The following LRRC4C variants were observed in gnomAD, a reference collection of about 807,000 sequenced individuals.
LRRC4C encodes leucine-rich repeat-containing protein 4C.
LRRC4C carries 5 observed loss-of-function variants against 33.6 expected under a neutral mutation model. That is an observed-to-expected ratio of 0.15 (90% CI 0.08 to 0.31). The LOEUF is 0.31. LRRC4C is among the 10% of genes least tolerant of loss of function. The pLI, the probability that LRRC4C is intolerant of heterozygous loss-of-function variation, is 1.00. For synonymous variants in LRRC4C, 329 were observed against 302.0 expected (o/e 1.09, Z -0.93); for missense variants, 560 against 796.7 (o/e 0.70, Z 3.58).
rs377013430 is a variant in LRRC4C, at chr11:40,939,110, C to T, written c.-495-5387G>A. On this transcript the variant is annotated intron_variant, in intron 1 of 6. Coordinates refer to ENST00000528697, the MANE Select transcript of LRRC4C (RefSeq NM_001258419.2). ...CATATGTCCATGTACAAAAACTAGACGGAAGAACATGGACTAATTGTCTCA... is the reference window on the plus strand; with the variant it reads ...CATATGTCCATGTACAAAAACTAGATGGAAGAACATGGACTAATTGTCTCA... 1.8e-3 allele frequency among the ~76,000 whole-genome samples: 270 copies of T among 152,188 alleles called. 2 individuals are homozygous for T. Among genetic ancestry groups the T allele is most frequent in the African/African-American group, 5.9e-3 (243 of 41,538 alleles).
At chr11:40,742,992 T>C (rs1211890599) in intron 2 of LRRC4C, among the ~76,000 whole-genome samples, 1 of 152,098 alleles carries the variant, frequency 6.6e-6, no homozygotes, top group African/African-American at 2.4e-5. Flanking sequence ...CTTTCTGTGC[T>C]GCTCATCTGA....
chr11:41,317,981 A>T (rs752645848), intron 1 of LRRC4C, among the ~76,000 whole-genome samples: 13 of 152,180 alleles, frequency 8.5e-5, no homozygotes, highest in Non-Finnish European at 5.9e-5. Flanking sequence ...GTATATGCCT[A>T]ATAATAAGGA....
intron 2 of LRRC4C, among the ~76,000 whole-genome samples, chr11:40,820,234 T>C (rs1196387107): frequency 6.6e-6 from 1 of 152,052 alleles, no homozygotes. Context: ...AGAAGTATTA[T>C]AAATATTGTC....
intron 1 of LRRC4C, among the ~76,000 whole-genome samples, chr11:41,146,038 C>T (rs142630579): frequency 8.8e-4 from 134 of 152,274 alleles, no homozygotes; most frequent in African/African-American, 3.2e-3. Context: ...ACCAACATTA[C>T]AGAATTATAA....
chr11:40,875,053 A>G (rs1283837425), intron 2 of LRRC4C, among the ~76,000 whole-genome samples: 1 of 152,346 alleles, frequency 6.6e-6, no homozygotes, highest in East Asian at 1.9e-4. Flanking sequence ...TATACTTGTT[A>G]GTATAAAATG....
chr11:40,201,879 A>G (rs1406569978), intron 5 of LRRC4C, among the ~76,000 whole-genome samples: 1 of 152,198 alleles, frequency 6.6e-6, no homozygotes, highest in Non-Finnish European at 1.5e-5. Flanking sequence ...GCCACCTCGC[A>G]TGGCCCTCAC....
chr11:41,061,391 G>T (rs192991886), intron 1 of LRRC4C, among the ~76,000 whole-genome samples: 1 of 152,100 alleles, frequency 6.6e-6, no homozygotes, highest in East Asian at 1.9e-4. Context: ...GAGGTGGAGA[G>T]GAGTGCTCTC....
intron 3 of LRRC4C, among the ~76,000 whole-genome samples, chr11:40,343,984 G>A (rs528340037): frequency 6.6e-6 from 1 of 151,922 alleles, no homozygotes; most frequent in East Asian, 1.9e-4. Flanking sequence ...CCAATAATAA[G>A]TTTCAAAATT....
intron 1 of LRRC4C, among the ~76,000 whole-genome samples, chr11:41,055,595 A>G (rs1055417278): frequency 6.6e-6 from 1 of 152,174 alleles, no homozygotes; most frequent in Non-Finnish European, 1.5e-5. Context: ...AGGTTGATTT[A>G]TACATCAACT....
chr11:40,286,910 G>A (rs1590914710), intron 4 of LRRC4C, among the ~76,000 whole-genome samples: 1 of 151,994 alleles, frequency 6.6e-6, no homozygotes, highest in East Asian at 1.9e-4. Flanking sequence ...CCACATATCT[G>A]CCATTTTAAC....
At chr11:40,900,912 A>G (rs1438985801) in intron 2 of LRRC4C, among the ~76,000 whole-genome samples, 1 of 152,082 alleles carries the variant, frequency 6.6e-6, no homozygotes, top group Non-Finnish European at 1.5e-5. Flanking sequence ...TCATAAAAAG[A>G]GAACTAGAAA....
chr11:41,209,075 G>GA (rs74260780), intron 1 of LRRC4C, among the ~76,000 whole-genome samples: 235 of 129,440 alleles, frequency 1.8e-3, no homozygotes, highest in Middle Eastern at 4.1e-3. Context: ...GGTTCAGAAA[G>GA]AAAAAAAAAA....
intron 3 of LRRC4C, among the ~76,000 whole-genome samples, chr11:40,421,609 C>T (rs572859176): frequency 1.3e-5 from 2 of 152,298 alleles, no homozygotes; most frequent in African/African-American, 4.8e-5. Context: ...AAATGAAAGG[C>T]CTTTCTCTGG....
chr11:40,249,557 A>G (rs1485358336), intron 4 of LRRC4C, among the ~76,000 whole-genome samples: 2 of 149,578 alleles, frequency 1.3e-5, no homozygotes, highest in Non-Finnish European at 3.0e-5. Context: ...AATAAATATT[A>G]TATATACTAC....
At chr11:40,489,253 C>T (rs1954023727) in intron 3 of LRRC4C, among the ~76,000 whole-genome samples, 1 of 152,146 alleles carries the variant, frequency 6.6e-6, no homozygotes, top group Admixed American at 6.6e-5. Context: ...CCATTCTCTT[C>T]ACTGCTTTCA....
chr11:40,224,109 A>C (rs1170579379), intron 5 of LRRC4C, among the ~76,000 whole-genome samples: 1 of 152,176 alleles, frequency 6.6e-6, no homozygotes, highest in Non-Finnish European at 1.5e-5. Flanking sequence ...GTTTTATCCA[A>C]TTTAGCTTTT....
intron 1 of LRRC4C, among the ~76,000 whole-genome samples, chr11:41,008,918 G>C (rs1410961369): frequency 6.6e-6 from 1 of 152,000 alleles, no homozygotes; most frequent in African/African-American, 2.4e-5. Context: ...TTCTGGGTAT[G>C]ATTTGCCTTT....
chr11:41,079,833 T>G (rs56036589), intron 1 of LRRC4C, among the ~76,000 whole-genome samples: 11,131 of 152,214 alleles, frequency 0.073, 440 homozygotes, highest in Non-Finnish European at 0.096. Flanking sequence ...GCTTTGTGTG[T>G]GGCCCAAGGC....
At chr11:40,512,571 A>G (rs970390027) in intron 3 of LRRC4C, among the ~76,000 whole-genome samples, 1 of 152,192 alleles carries the variant, frequency 6.6e-6, no homozygotes, top group Non-Finnish European at 1.5e-5. Flanking sequence ...AACCACAGGC[A>G]TGACTGAGAC....
Sources: allele counts gnomAD v4.1 joint callset (sites outside exome capture counted in the v4.1 genomes callset), GRCh38; gene constraint gnomAD v4.1.1; transcripts MANE v1.5; gene names NCBI Gene and HGNC (gene_info 2026-07-23, HGNC 2026-07-21).